Variants in CELF2 observed in about 807,000 individuals in gnomAD.
CELF2 encodes CUG triplet repeat RNA-binding protein 2.
CELF2 carries 8 observed loss-of-function variants against 62.6 expected under a neutral mutation model. That is an observed-to-expected ratio of 0.13 (90% CI 0.07 to 0.23). The LOEUF (loss-of-function observed/expected upper bound fraction) is 0.23. CELF2 is among the 10% of genes least tolerant of loss of function. The probability of loss-of-function intolerance (pLI) is 1.00; values close to 1 mark genes in which losing one functional copy is unlikely to be tolerated. For missense variants in CELF2, 333 were observed against 671.0 expected, an observed-to-expected ratio of 0.50 and a Z score of 5.56; for synonymous variants, 258 against 250.0, an observed-to-expected ratio of 1.03 and a Z score of -0.30.
rs139331265 is a variant in CELF2 at position 11,160,527 on chromosome 10, A to T, written c.75-4959A>T. 1.8e-3 allele frequency among the ~76,000 whole-genome samples: 275 copies of T among 152,188 alleles called. 1 individual carries two copies. Among genetic ancestry groups the T allele is most frequent in the African/African-American group, 6.4e-3 (265 of 41,502 alleles). ...TAAACTGAAGTTAAATAAAAATTCAATTCCTTAGTTGCATTAGCCACATGT... is the reference window on the plus strand; with the variant it reads ...TAAACTGAAGTTAAATAAAAATTCATTTCCTTAGTTGCATTAGCCACATGT... On this transcript the variant is annotated intron_variant, in intron 1 of 12. Coordinates refer to ENST00000633077, the MANE Select transcript of CELF2 (RefSeq NM_001326342.2).
At chr10:10,804,228 T>C (rs2054966717) in intron 1 of CELF2, among the ~76,000 whole-genome samples, 1 of 152,220 alleles carries the variant, frequency 6.6e-6, no homozygotes, top group South Asian at 2.1e-4. Flanking sequence ...ACCATACAGT[T>C]TCTGTCACAA....
upstream of CELF2, among the ~76,000 whole-genome samples, chr10:10,796,086 T>C (rs746128882): frequency 2.0e-5 from 3 of 152,138 alleles, no homozygotes; most frequent in Non-Finnish European, 4.4e-5. Context: ...AAAATCCCTT[T>C]TGAAAAGCCC....
intron 2 of CELF2, among the ~76,000 whole-genome samples, chr10:11,197,025 A>AAAGAAAGAAAGAAAAGAAAGAAAAG (rs1554936315): frequency 3.8e-5 from 1 of 26,048 alleles, no homozygotes; most frequent in African/African-American, 1.8e-4. Context: ...AGAAAGAAAG[A>AAAGAAAGAAAGAAAAGAAAGAAAAG]AAAGAAAGAA....
chr10:10,710,049 T>C, the CELF2 span, among the ~76,000 whole-genome samples: 90,582 of 152,072 alleles, frequency 0.6, 28,989 homozygotes, highest in Non-Finnish European at 0.72. Flanking sequence ...GCCTGGATTC[T>C]AGGACCCCAA....
intron 1 of CELF2, among the ~76,000 whole-genome samples, chr10:11,128,446 C>G (rs184236198): frequency 0.017 from 2,596 of 152,126 alleles, 35 homozygotes; most frequent in African/African-American, 0.03. Flanking sequence ...GGATGGCATT[C>G]AATCTATAAA....
intron 1 of CELF2, among the ~76,000 whole-genome samples, chr10:10,815,273 CTT>C: frequency 6.6e-6 from 1 of 152,124 alleles, no homozygotes; most frequent in Non-Finnish European, 1.5e-5. Context: ...TAGATTTTAC[CTT>C]TGGGCAACTG....
intron 1 of CELF2, among the ~76,000 whole-genome samples, chr10:11,133,255 T>C (rs914354276): frequency 6.6e-6 from 1 of 152,192 alleles, no homozygotes; most frequent in African/African-American, 2.4e-5. Context: ...AACAGATTGT[T>C]AGAGCCTTGA....
chr10:10,485,638 A>G, the CELF2 span, among the ~76,000 whole-genome samples: 1 of 152,260 alleles, frequency 6.6e-6, no homozygotes, highest in Admixed American at 6.5e-5. Flanking sequence ...CAATGTTCAC[A>G]GTGCATCTAC....
intron 1 of CELF2, among the ~76,000 whole-genome samples, chr10:10,867,930 C>T (rs1192339119): frequency 6.6e-6 from 1 of 152,234 alleles, no homozygotes; most frequent in Non-Finnish European, 1.5e-5. Context: ...CTTAAACCCA[C>T]TCTCCCATCC....
the CELF2 span, among the ~76,000 whole-genome samples, chr10:10,655,810 A>T: frequency 5.1e-5 from 7 of 137,778 alleles, no homozygotes; most frequent in African/African-American, 1.6e-4. Flanking sequence ...ACATAGGCAC[A>T]GGCAAGGACT....
chr10:11,279,190 T>C (rs1328449087), intron 8 of CELF2, among the ~76,000 whole-genome samples: 1 of 152,230 alleles, frequency 6.6e-6, no homozygotes, highest in Non-Finnish European at 1.5e-5. Flanking sequence ...TGTCTTTTGA[T>C]GAACGGGAGG....
the CELF2 span, among the ~76,000 whole-genome samples, chr10:10,690,698 G>T: frequency 1.3e-5 from 2 of 152,084 alleles, no homozygotes; most frequent in Admixed American, 6.5e-5. Flanking sequence ...TGGCCATGAT[G>T]GTGAAACCCC....
At chr10:10,639,658 C>T in the CELF2 span, among the ~76,000 whole-genome samples, 35 of 152,230 alleles carry the variant, frequency 2.3e-4, no homozygotes, top group African/African-American at 7.7e-4. Context: ...CTGGGAAGTC[C>T]CTGATCAATA....
chr10:10,673,834 C>T, the CELF2 span, among the ~76,000 whole-genome samples: 9 of 152,040 alleles, frequency 5.9e-5, no homozygotes, highest in Non-Finnish European at 8.8e-5. Context: ...TCTGATTTTC[C>T]AGCTCTCTTT....
At chr10:10,763,049 G>A in the CELF2 span, among the ~76,000 whole-genome samples, 1 of 152,196 alleles carries the variant, frequency 6.6e-6, no homozygotes, top group African/African-American at 2.4e-5. Context: ...TGTAATCCAA[G>A]ATTTCTACAT....
rs551582061 is a variant in CELF2, at chr10:10,831,993, C to T, written c.53+33176C>T. On this transcript the variant is annotated intron_variant, in intron 1 of 13. Coordinates refer to the CELF2 transcript ENST00000636488. ...TCTTGAAAAAATAAATAAGGCCGGG[C>T]GCGGTGGCTCACACCTGTAATTTCA... Among the ~76,000 whole-genome samples the T allele has an allele frequency of 1.5e-3, 212 of 145,088 alleles. No individual in the cohort carries two copies. In the South Asian group the frequency reaches 0.018, roughly 12 times the overall value.
chr10:11,042,549 C>T (rs951342870), intron 1 of CELF2, among the ~76,000 whole-genome samples: 2 of 152,184 alleles, frequency 1.3e-5, no homozygotes, highest in African/African-American at 4.8e-5. Flanking sequence ...TCACATACCA[C>T]GAAAGCCAGT....
the CELF2 span, among the ~76,000 whole-genome samples, chr10:10,600,626 C>T: frequency 1.7e-4 from 26 of 152,036 alleles, no homozygotes; most frequent in Admixed American, 1.7e-3. Context: ...ACATAATAAT[C>T]CAAAATATAG....
At chr10:10,843,884 T>C (rs1407621094) in intron 1 of CELF2, among the ~76,000 whole-genome samples, 1 of 152,000 alleles carries the variant, frequency 6.6e-6, no homozygotes, top group Non-Finnish European at 1.5e-5. Context: ...TGGTAGTAAA[T>C]GTCTTAGAAT....
Sources: allele counts gnomAD v4.1 joint callset (sites outside exome capture counted in the v4.1 genomes callset), GRCh38; gene constraint gnomAD v4.1.1; transcripts MANE v1.5; gene names NCBI Gene and HGNC (gene_info 2026-07-23, HGNC 2026-07-21).